SGCZ: variants seen among roughly 807,000 people sequenced by gnomAD.
SGCZ encodes zeta-sarcoglycan.
SGCZ carries 40 observed loss-of-function variants against 41.3 expected under a neutral mutation model. The observed-to-expected ratio is 0.97, with a 90% CI of 0.75 to 1.26. The LOEUF (loss-of-function observed/expected upper bound fraction) is 1.26, where lower values mean the gene tolerates loss of function less well. SGCZ is among the 50% of genes most tolerant of loss of function. SGCZ has a pLI of 0.00. For synonymous variants in SGCZ, 206 were observed against 137.5 expected, an observed-to-expected ratio of 1.50 and a Z score of -3.49; for missense variants, 552 against 369.8, an observed-to-expected ratio of 1.49 and a Z score of -4.04.
intron 4 of SGCZ, chr8:14,165,398 A>AACTC (rs1477412471): frequency 6.6e-6 from 1 of 152,166 alleles, no homozygotes; most frequent in African/African-American, 2.4e-5. Flanking sequence ...CTATACACAA[A>AACTC]ACTCAAAGCC....
chr8:15,173,226 A>G (rs1799898090), intron 1 of SGCZ, among the ~76,000 whole-genome samples: 1 of 152,224 alleles, frequency 6.6e-6, no homozygotes, highest in Non-Finnish European at 1.5e-5. Flanking sequence ...GGAATTTACC[A>G]TCTTAGCCAT....
intron 1 of SGCZ, among the ~76,000 whole-genome samples, chr8:14,877,856 A>C (rs1284523108): frequency 6.6e-6 from 1 of 151,646 alleles, no homozygotes; most frequent in Non-Finnish European, 1.5e-5. Context: ...GTTCTAATGG[A>C]TTTTCATGTT....
At chr8:14,124,816 C>T (rs1416055876) in intron 5 of SGCZ, among the ~76,000 whole-genome samples, 1 of 152,034 alleles carries the variant, frequency 6.6e-6, no homozygotes, top group East Asian at 1.9e-4. Flanking sequence ...ATCCTAAAAG[C>T]CCATCTTCTT....
chr8:14,392,029 G>A (rs894810637), intron 2 of SGCZ, among the ~76,000 whole-genome samples: 3 of 152,116 alleles, frequency 2.0e-5, no homozygotes, highest in Non-Finnish European at 4.4e-5. Context: ...TGTGACATGA[G>A]ATTTGAGTAT....
intron 1 of SGCZ, among the ~76,000 whole-genome samples, chr8:14,977,880 T>TAC (rs10562709): frequency 0.24 from 35,356 of 149,376 alleles, 4,276 homozygotes; most frequent in Admixed American, 0.29. Flanking sequence ...AGAACAATTT[T>TAC]ACACACACAC....
intron 1 of SGCZ, among the ~76,000 whole-genome samples, chr8:14,723,811 A>G (rs980127078): frequency 5.9e-5 from 9 of 152,058 alleles, no homozygotes; most frequent in Admixed American, 2.0e-4. Flanking sequence ...TGTATATAAT[A>G]TATACTTTTC....
At chr8:14,200,639 C>T (rs190820328) in intron 4 of SGCZ, among the ~76,000 whole-genome samples, 74 of 151,964 alleles carry the variant, frequency 4.9e-4, no homozygotes, top group Admixed American at 4.3e-3. Context: ...GTTTTTCCAA[C>T]AAAACATGCT....
At chr8:15,148,184 T>G (rs1196187311) in intron 1 of SGCZ, among the ~76,000 whole-genome samples, 1 of 151,874 alleles carries the variant, frequency 6.6e-6, no homozygotes, top group African/African-American at 2.4e-5. Flanking sequence ...TGACATAAAA[T>G]AGACACATTG....
chr8:14,356,071 G>A (rs1004347558), intron 2 of SGCZ, among the ~76,000 whole-genome samples: 1 of 152,162 alleles, frequency 6.6e-6, no homozygotes, highest in Non-Finnish European at 1.5e-5. Context: ...GGGGCAGTGA[G>A]ACCACAGCTT....
At chr8:14,345,737 C>A (rs191285636) in intron 2 of SGCZ, among the ~76,000 whole-genome samples, 1 of 152,192 alleles carries the variant, frequency 6.6e-6, no homozygotes, top group Admixed American at 6.5e-5. Flanking sequence ...ACTAGGCATT[C>A]CAAAGTTTAA....
rs140677441 is a variant in SGCZ, at chr8:14,256,762, C to T, written c.337-19083G>A. Among the ~76,000 whole-genome samples, 154 of 152,252 alleles carry T rather than the reference C, an allele frequency of 1.0e-3. No individual in the cohort carries two copies. In the Middle Eastern group the frequency reaches 0.014, roughly 13 times the overall value. On this transcript the variant is annotated intron_variant, in intron 3 of 7. Transcript: ENST00000382080. ...TCATTTCTCAATTACATGAATCTAT[C>T]CACAACACAAAATCTGAGTTATCAA...
chr8:14,374,922 G>T (rs1804057051), intron 2 of SGCZ, among the ~76,000 whole-genome samples: 1 of 152,194 alleles, frequency 6.6e-6, no homozygotes, highest in Non-Finnish European at 1.5e-5. Context: ...TAGCAGCAAA[G>T]TAGGAGATGG....
chr8:14,879,441 A>G (rs570985994), intron 1 of SGCZ: 26 of 152,278 alleles, frequency 1.7e-4, no homozygotes, highest in African/African-American at 6.3e-4. Context: ...CTAAAAATAT[A>G]TATAACTAGC....
chr8:14,651,711 C>T (rs943833679), intron 1 of SGCZ, among the ~76,000 whole-genome samples: 1 of 151,990 alleles, frequency 6.6e-6, no homozygotes, highest in Non-Finnish European at 1.5e-5. Flanking sequence ...ACATAAATGT[C>T]TTTAGCCTCT....
chr8:14,351,061 T>A (rs1225610040), intron 2 of SGCZ, among the ~76,000 whole-genome samples: 5 of 152,250 alleles, frequency 3.3e-5, no homozygotes, highest in Admixed American at 2.6e-4. Flanking sequence ...CTGCAATACT[T>A]CTGTAGTGGC....
chr8:14,135,700 T>C (rs1484751006), intron 5 of SGCZ, among the ~76,000 whole-genome samples: 1 of 152,204 alleles, frequency 6.6e-6, no homozygotes, highest in Non-Finnish European at 1.5e-5. Context: ...CAGATAGTTT[T>C]ACTGGAGAAT....
intron 4 of SGCZ, among the ~76,000 whole-genome samples, chr8:14,186,392 G>T (rs1334249925): frequency 6.6e-6 from 1 of 152,158 alleles, no homozygotes; most frequent in East Asian, 1.9e-4. Flanking sequence ...TTATGTAGGT[G>T]CAGCCAAGAA....
At chr8:14,706,383 A>G (rs1182986996) in intron 1 of SGCZ, among the ~76,000 whole-genome samples, 1 of 152,126 alleles carries the variant, frequency 6.6e-6, no homozygotes, top group Non-Finnish European at 1.5e-5. Context: ...ATTTTCCCAT[A>G]TGTAATATTC....
intron 1 of SGCZ, among the ~76,000 whole-genome samples, chr8:15,189,763 C>A (rs941802076): frequency 6.6e-6 from 1 of 152,082 alleles, no homozygotes; most frequent in African/African-American, 2.4e-5. Flanking sequence ...GTTGCCCAGG[C>A]TGGTGTTGAA....
Sources: gnomAD v4.1 joint callset for allele counts (sites outside exome capture counted in the v4.1 genomes callset) on GRCh38, gnomAD v4.1.1 for gene constraint, MANE v1.5 for transcripts, NCBI Gene and HGNC (gene_info 2026-07-23, HGNC 2026-07-21) for gene names.